ACACA: variants seen among roughly 807,000 people sequenced by gnomAD.
ACACA encodes the protein acetyl-CoA carboxylase 1.
Under a neutral mutation model 296.1 loss-of-function variants are expected in ACACA, and 103 were observed. That is an observed-to-expected ratio of 0.35 (90% CI 0.30 to 0.41). ACACA has a LOEUF of 0.41. Ranked by LOEUF, ACACA falls within the 10% of genes least tolerant of loss-of-function variation. The pLI is 1.00. For missense variants in ACACA, 1,554 were observed against 2,989.7 expected (o/e 0.52, Z 11.20); for synonymous variants, 953 against 1,038.6 (o/e 0.92, Z 1.58).
chr17:37,243,589 C>T, intron 21 of ACACA, 30 bp from the exon 22 acceptor site: 1 of 1,604,008 alleles, frequency 6.2e-7, no homozygotes, highest in Non-Finnish European at 8.5e-7. Context: ...AAAATAGGAC[C>T]CAAGTTAACA....
chr17:37,156,530 A>C (rs568879595), intron 42 of ACACA, among the ~76,000 whole-genome samples: 1 of 152,358 alleles, frequency 6.6e-6, no homozygotes, highest in Middle Eastern at 3.4e-3. Flanking sequence ...GAAAACCGCA[A>C]ATCTAGGAGA....
At chr17:37,093,906 C>T (rs969156917) in intron 54 of ACACA, among the ~76,000 whole-genome samples, 4 of 152,144 alleles carry the variant, frequency 2.6e-5, no homozygotes, top group African/African-American at 9.7e-5. Context: ...TATGCCCATG[C>T]CAGTAAATGA....
chr17:37,236,170 A>G (rs1349445378), intron 24 of ACACA, among the ~76,000 whole-genome samples: 1 of 152,362 alleles, frequency 6.6e-6, no homozygotes, highest in East Asian at 1.9e-4. Flanking sequence ...GGACCAGTGT[A>G]ACCAGGCTTT....
intron 1 of ACACA, among the ~76,000 whole-genome samples, chr17:37,349,042 A>G (rs2048764417): frequency 6.6e-6 from 1 of 151,574 alleles, no homozygotes; most frequent in Non-Finnish European, 1.5e-5. Flanking sequence ...TCAGAAAACA[A>G]CATATTCTTT....
At chr17:37,376,006 G>A in intron 1 of ACACA, 1 of 1,153,326 alleles carries the variant, frequency 8.7e-7, no homozygotes, top group East Asian at 2.4e-5. Flanking sequence ...CCAGCTGCGT[G>A]TGGTGAAAGC....
chr17:37,372,412 CGA>C, intron 1 of ACACA, among the ~76,000 whole-genome samples: 1 of 102,790 alleles, frequency 9.7e-6, no homozygotes, highest in African/African-American at 4.9e-5. Context: ...GACTCTGTCT[CGA>C]AAAAAAAAAA....
intron 47 of ACACA, 145 bp downstream of exon 47, chr17:37,129,220 G>T: frequency 1.8e-6 from 2 of 1,084,664 alleles, no homozygotes; most frequent in Non-Finnish European, 2.7e-6. Flanking sequence ...TTCTTCAGAG[G>T]GCTGGTTTTC....
intron 1 of ACACA, chr17:37,392,037 A>G (rs1347673316): frequency 3.3e-6 from 1 of 299,844 alleles, no homozygotes; most frequent in Non-Finnish European, 6.2e-6. Context: ...CAGAAGACTC[A>G]AACACAGCCT....
chr17:37,264,346 G>A (rs1302016412), intron 10 of ACACA, among the ~76,000 whole-genome samples: 2 of 152,184 alleles, frequency 1.3e-5, no homozygotes, highest in African/African-American at 4.8e-5. Context: ...TACTGTTGGG[G>A]ACAGAATTCT....
intron 1 of ACACA, among the ~76,000 whole-genome samples, chr17:37,368,238 C>T (rs1325967058): frequency 6.6e-6 from 1 of 152,230 alleles, no homozygotes; most frequent in Non-Finnish European, 1.5e-5. Flanking sequence ...CACCACTGCA[C>T]TCCAGCCTGG....
intron 45 of ACACA, among the ~76,000 whole-genome samples, chr17:37,139,483 A>C (rs1217554822): frequency 6.6e-6 from 1 of 152,248 alleles, no homozygotes; most frequent in Non-Finnish European, 1.5e-5. Flanking sequence ...CTAGCAGTTT[A>C]GCTTGTGTTT....
rs1002596249 is a variant in ACACA at position 37,406,801 on chromosome 17, C to A, written c.-502G>T. 4.0e-5 allele frequency: 6 copies of A among 149,964 alleles called. No individual in the cohort carries two copies. Among genetic ancestry groups the A allele is most frequent in the Non-Finnish European group, 8.9e-5 (6 of 67,510 alleles). 9.3% of individuals were successfully genotyped at this position (149,964 alleles called of 1,614,324 possible). A position where few individuals can be genotyped will look rare whatever the true frequency, so the allele number is the denominator to read the frequency against. On this transcript the variant is annotated 5_prime_UTR_variant, in exon 1 of 56. Coordinates refer to ENST00000616317, the MANE Select transcript of ACACA (RefSeq NM_198834.3). ...AGGGCGGTGGCGGGCGCTCAGCACC[C>A]GGCGGGGGCCTCCACGGCCGAGGGG...
chr17:37,137,317 A>G (rs1418093069), intron 45 of ACACA, among the ~76,000 whole-genome samples: 1 of 152,176 alleles, frequency 6.6e-6, no homozygotes, highest in Admixed American at 6.5e-5. Context: ...TGGTGTTTGC[A>G]GGGCCTCGCT....
chr17:37,140,877 T>C, intron 45 of ACACA: 1 of 246,086 alleles, frequency 4.1e-6, no homozygotes, highest in Non-Finnish European at 8.0e-6. Flanking sequence ...AGGGCCGAGA[T>C]GATGCCAGTG....
chr17:37,265,945 C>T (rs2081746951), intron 10 of ACACA, among the ~76,000 whole-genome samples: 1 of 152,190 alleles, frequency 6.6e-6, no homozygotes, highest in Non-Finnish European at 1.5e-5. Context: ...TGAACTGTTT[C>T]TGGCCCTTTC....
intron 3 of ACACA, among the ~76,000 whole-genome samples, chr17:37,301,981 CT>C (rs970584454): frequency 1.2e-4 from 18 of 149,146 alleles, no homozygotes; most frequent in African/African-American, 3.0e-4. Flanking sequence ...TATTTAATTT[CT>C]TTTTTTTTTC....
rs1567789977 is a variant in ACACA at position 37,191,285 on chromosome 17, A to G, written c.4417-10T>C. 2 of 1,613,028 alleles carry G rather than the reference A, an allele frequency of 1.2e-6. No homozygotes were observed. The highest frequency in any genetic ancestry group is 2.2e-5 in the East Asian group (1 of 44,840). ...ATTCAAAAGAAGCTTCCTATACAGGAAGAAAATAATCAACATTAATGTAGT... is the reference window on the plus strand; with the variant it reads ...ATTCAAAAGAAGCTTCCTATACAGGGAGAAAATAATCAACATTAATGTAGT... On this transcript the variant is annotated splice_polypyrimidine_tract_variant and intron_variant, in intron 37 of 55. Transcript: ENST00000616317.
At chr17:37,183,586 T>C (rs1380460173) in intron 39 of ACACA, among the ~76,000 whole-genome samples, 2 of 151,978 alleles carry the variant, frequency 1.3e-5, no homozygotes, top group African/African-American at 4.8e-5. Flanking sequence ...CCCAGCGCTT[T>C]GGGAGGCCAA....
chr17:37,313,831 A>C (rs2046958828), intron 3 of ACACA, among the ~76,000 whole-genome samples: 1 of 152,208 alleles, frequency 6.6e-6, no homozygotes, highest in African/African-American at 2.4e-5. Context: ...ACTGCCATAC[A>C]ACCCAGCAAT....
Sources: gnomAD v4.1 joint callset for allele counts (sites outside exome capture counted in the v4.1 genomes callset) on GRCh38, gnomAD v4.1.1 for gene constraint, MANE v1.5 for transcripts, NCBI Gene and HGNC (gene_info 2026-07-23, HGNC 2026-07-21) for gene names.